The following NDUFS2 variants were observed in gnomAD, a reference collection of about 807,000 sequenced individuals.
NDUFS2 encodes the protein NADH:ubiquinone oxidoreductase core subunit S2.
NDUFS2 carries 38 observed loss-of-function variants against 69.6 expected under a neutral mutation model. The ratio of observed to expected loss-of-function variants is 0.55; its 90% CI spans 0.42 to 0.72. The LOEUF (loss-of-function observed/expected upper bound fraction) is 0.72, where lower values mean the gene tolerates loss of function less well. Ranked by LOEUF, NDUFS2 falls within the 30% of genes least tolerant of loss-of-function variation. The pLI is 0.00. For missense variants in NDUFS2, 468 were observed against 595.0 expected, an observed-to-expected ratio of 0.79 and a Z score of 2.22; for synonymous variants, 194 against 211.2, an observed-to-expected ratio of 0.92 and a Z score of 0.70.
intron 5 of NDUFS2, 24 bp downstream of exon 5, chr1:161,209,619 G>A: frequency 6.4e-7 from 1 of 1,570,878 alleles, no homozygotes; most frequent in Non-Finnish European, 8.7e-7. Context: ...GAAAGGATAG[G>A]AATAGGGAAG....
chr1:161,210,304 T>C lies in NDUFS2; in HGVS notation c.781T>C (p.Leu261=). The change falls in exon 8 of 14, where the codon TTG becomes CTG. Residue 261 remains leucine, a splice_region_variant and synonymous_variant. Coordinates refer to ENST00000676972, the MANE Select transcript of NDUFS2 (RefSeq NM_001377299.1). The stretch of plus-strand genomic sequence containing the variant: ...ACACACCAGTTTTCTTGATCAATAG[T>C]TGCTGACCAACAATAGGATCTGGCG... ...FSLRLDELEE[L]LTNNRIWRNR... is the part of the protein sequence containing the mutation. 2 of 1,613,758 alleles carry C rather than the reference T, an allele frequency of 1.2e-6. 1 individual carries two copies. The highest frequency in any genetic ancestry group is 2.2e-5 in the South Asian group (2 of 91,080).
chr1:161,198,326 C>G (rs1405605582), upstream of NDUFS2: 4 of 1,613,368 alleles, frequency 2.5e-6, no homozygotes, highest in Middle Eastern at 1.6e-4. This position sits in a 1 kb window ranked among gnomAD's most constrained non-coding sequence, Gnocchi z 4.7. Context: ...GACCTGCACA[C>G]CGGAGTCCTG....
chr1:161,202,551 C>T, intron 1 of NDUFS2, 71 bp downstream of exon 1: 1 of 1,423,204 alleles, frequency 7.0e-7, no homozygotes, highest in Non-Finnish European at 9.7e-7. Context: ...ACGCTTTACT[C>T]CCCCAGAAAA....
At chr1:161,204,836 A>G (rs1366621059) in intron 2 of NDUFS2, among the ~76,000 whole-genome samples, 1 of 152,182 alleles carries the variant, frequency 6.6e-6, no homozygotes. Flanking sequence ...GGATCACCTT[A>G]GGTCAGGAGT....
At chr1:161,206,315 G>C (rs1165869810) in intron 2 of NDUFS2, 92 bp from the exon 3 acceptor site, 4 of 1,337,178 alleles carry the variant, frequency 3.0e-6, no homozygotes, top group Non-Finnish European at 4.3e-6. Flanking sequence ...TGGTGAGTTA[G>C]AAAATCTATA....
intron 1 of NDUFS2, 53 bp downstream of exon 1, chr1:161,202,533 G>C (rs1269169990): frequency 1.4e-5 from 21 of 1,520,688 alleles, no homozygotes; most frequent in Non-Finnish European, 1.9e-5. Context: ...GGGTTTCTCA[G>C]GTTGGGGACG....
intron 3 of NDUFS2, 106 bp from the exon 4 acceptor site, chr1:161,209,087 T>C: frequency 6.7e-7 from 1 of 1,501,712 alleles, no homozygotes; most frequent in Non-Finnish European, 9.3e-7. Flanking sequence ...CTAGAAAGGC[T>C]TATACAGCAC....
At chr1:161,209,407 C>T in intron 4 of NDUFS2, 76 bp from the exon 5 acceptor site, 1 of 1,607,894 alleles carries the variant, frequency 6.2e-7, no homozygotes, top group Non-Finnish European at 8.5e-7. Flanking sequence ...AGTGTTCAGA[C>T]CCCAGGCTCT....
At chr1:161,206,279 G>A in intron 2 of NDUFS2, 128 bp from the exon 3 acceptor site, 1 of 965,664 alleles carries the variant, frequency 1.0e-6, no homozygotes, top group Non-Finnish European at 1.6e-6. Flanking sequence ...TTATAGTGGA[G>A]ATTAGGAAAT....
intron 2 of NDUFS2, among the ~76,000 whole-genome samples, chr1:161,206,112 A>G (rs749876717): frequency 2.4e-4 from 37 of 152,298 alleles, no homozygotes; most frequent in Non-Finnish European, 4.4e-4. Context: ...ATAAAGCTAT[A>G]TAAGTGTTAT....
chr1:161,213,842 G>C (rs752244181), intron 12 of NDUFS2, 22 bp from the exon 13 acceptor site: 1 of 1,613,868 alleles, frequency 6.2e-7, no homozygotes, highest in Non-Finnish European at 8.5e-7. Context: ...AACTAACATT[G>C]TTGCCATCTC....
upstream of NDUFS2, among the ~76,000 whole-genome samples, chr1:161,199,899 T>C (rs570681446): frequency 1.8e-5 from 2 of 112,986 alleles, no homozygotes; most frequent in African/African-American, 3.5e-5. Context: ...CCCCACTTCC[T>C]GACTCCCCAT....
intron 3 of NDUFS2, among the ~76,000 whole-genome samples, chr1:161,208,309 T>A (rs543250008): frequency 4.0e-5 from 6 of 151,736 alleles, no homozygotes; most frequent in African/African-American, 1.5e-4. Flanking sequence ...TAAATTTTTA[T>A]TATTTTTTGA....
chr1:161,213,278 C>A, intron 10 of NDUFS2, 102 bp from the exon 11 acceptor site: 1 of 756,812 alleles, frequency 1.3e-6, no homozygotes, highest in Non-Finnish European at 2.3e-6. Context: ...TGACATGTGG[C>A]TTTAGTCTCC....
chr1:161,197,900 C>A, upstream of NDUFS2: 1 of 1,494,232 alleles, frequency 6.7e-7, no homozygotes, highest in South Asian at 1.4e-5. Flanking sequence ...GCAGAACGGC[C>A]AGAAGTGTAA....
At chr1:161,207,777 C>T (rs1225711144) in intron 3 of NDUFS2, among the ~76,000 whole-genome samples, 1 of 150,530 alleles carries the variant, frequency 6.6e-6, no homozygotes, top group Non-Finnish European at 1.5e-5. Flanking sequence ...ACTCTTAAGA[C>T]TGATTGCCTT....
chr1:161,210,497 G>A, intron 8 of NDUFS2, 94 bp from the exon 9 acceptor site: 2 of 1,607,448 alleles, frequency 1.2e-6, no homozygotes, highest in South Asian at 2.2e-5. Flanking sequence ...GTCATACCCT[G>A]AATGTGAAGG....
In NDUFS2 at chr1:161,203,444, C is replaced by G; in HGVS notation, c.103C>G (p.Arg35Gly). ...CTGTCTTTGACTCCCCAGAGGTGTT[C>G]GGCAGTGGCAGCCAGATGTGGAATG... is the stretch of plus-strand genomic sequence containing the variant. The part of the protein sequence containing the change: ...RLPIQPSRGV[R>G]QWQPDVEWAQ... Residue 35 changes from arginine to glycine, a missense_variant, in exon 2 of 14, where the codon CGG becomes GGG. Arg to Gly is a moderately radical substitution (Grantham distance 125). Around this residue, in one of 3 missense-constraint regions of NDUFS2, gnomAD observed 339 missense variants for 433.8 expected, o/e 0.78. Transcript: ENST00000676972. 1 of 1,613,972 alleles carries G rather than the reference C, an allele frequency of 6.2e-7. No homozygotes were observed. The highest frequency in any genetic ancestry group is 8.5e-7 in the Non-Finnish European group (1 of 1,179,918).
At chr1:161,208,670 G>A (rs1392745379) in intron 3 of NDUFS2, among the ~76,000 whole-genome samples, 1 of 152,198 alleles carries the variant, frequency 6.6e-6, no homozygotes, top group Non-Finnish European at 1.5e-5. Flanking sequence ...TAAATTTTCA[G>A]GAGTTTTGTG....
Sources: allele counts gnomAD v4.1 joint callset (sites outside exome capture counted in the v4.1 genomes callset), GRCh38; gene constraint gnomAD v4.1.1; regional missense constraint gnomAD v4.1.1; non-coding constraint Gnocchi (gnomAD v3.1); transcripts MANE v1.5; gene names NCBI Gene and HGNC (gene_info 2026-07-23, HGNC 2026-07-21).